Variants in HCN1 observed in about 807,000 individuals in gnomAD.
HCN1 encodes the protein hyperpolarization activated cyclic nucleotide gated potassium channel 1, also known as potassium/sodium hyperpolarization-activated cyclic nucleotide-gated channel 1.
HCN1 carries 13 observed loss-of-function variants against 78.9 expected under a neutral mutation model. That is an observed-to-expected ratio of 0.16 (90% CI 0.11 to 0.26). The LOEUF (loss-of-function observed/expected upper bound fraction) is 0.26, where lower values mean the gene tolerates loss of function less well. Among genes scored for constraint, HCN1 ranks in the 10% least tolerant of loss-of-function variants. The pLI, the probability that HCN1 is intolerant of heterozygous loss-of-function variation, is 1.00. For missense variants in HCN1, 810 were observed against 1,154.3 expected, an observed-to-expected ratio of 0.70 and a Z score of 4.32; for synonymous variants, 552 against 455.5, an observed-to-expected ratio of 1.21 and a Z score of -2.70.
At chr5:45,324,326 C>T (rs1381169477) in intron 5 of HCN1, among the ~76,000 whole-genome samples, 1 of 151,888 alleles carries the variant, frequency 6.6e-6, no homozygotes, top group Non-Finnish European at 1.5e-5. Flanking sequence ...ACAACCCCAT[C>T]AAAAAGTGGG....
chr5:45,525,733 G>A (rs1211792229), intron 2 of HCN1, among the ~76,000 whole-genome samples: 1 of 151,992 alleles, frequency 6.6e-6, no homozygotes, highest in Non-Finnish European at 1.5e-5. Flanking sequence ...CCTACATACA[G>A]TAGAATTTAA....
chr5:45,475,961 T>C (rs1255047924), intron 2 of HCN1, among the ~76,000 whole-genome samples: 2 of 152,170 alleles, frequency 1.3e-5, no homozygotes, highest in Admixed American at 6.6e-5. Flanking sequence ...CTGAGTTGCA[T>C]ATACAGAATA....
At chr5:45,630,558 T>C (rs1435096909) in intron 2 of HCN1, among the ~76,000 whole-genome samples, 1 of 152,214 alleles carries the variant, frequency 6.6e-6, no homozygotes, top group East Asian at 1.9e-4. Flanking sequence ...ACAAAGTCTA[T>C]ACTCTTTAAT....
chr5:45,556,997 T>C (rs1455905609), intron 2 of HCN1, among the ~76,000 whole-genome samples: 1 of 152,042 alleles, frequency 6.6e-6, no homozygotes, highest in Non-Finnish European at 1.5e-5. Context: ...TCATAAAATT[T>C]CGATTTCCGT....
chr5:45,454,491 A>T (rs1284868067), intron 3 of HCN1, among the ~76,000 whole-genome samples: 6 of 149,446 alleles, frequency 4.0e-5, no homozygotes, highest in South Asian at 2.1e-4. Context: ...AAAAAAAAAT[A>T]AAAAAAAATA....
intron 5 of HCN1, among the ~76,000 whole-genome samples, chr5:45,327,354 T>C (rs948219965): frequency 5.9e-5 from 9 of 151,588 alleles, no homozygotes; most frequent in African/African-American, 1.7e-4. Context: ...TGTGAGAAAA[T>C]GACTTGGAGA....
intron 4 of HCN1, among the ~76,000 whole-genome samples, chr5:45,373,601 A>G (rs980257429): frequency 1.4e-5 from 2 of 139,282 alleles, no homozygotes; most frequent in African/African-American, 2.6e-5. Flanking sequence ...TACATACGGT[A>G]TATACGTCAT....
chr5:45,534,368 G>T, intron 2 of HCN1, among the ~76,000 whole-genome samples: 1 of 113,974 alleles, frequency 8.8e-6, no homozygotes. Context: ...TGCATTCCAT[G>T]CATTCCAGCC....
At chr5:45,307,907 G>T (rs1745769505) in intron 5 of HCN1, among the ~76,000 whole-genome samples, 1 of 152,078 alleles carries the variant, frequency 6.6e-6, no homozygotes, top group Non-Finnish European at 1.5e-5. Flanking sequence ...ATGTACATGG[G>T]AATTCTCCAT....
chr5:45,536,959 C>A (rs1408687870), intron 2 of HCN1, among the ~76,000 whole-genome samples: 1 of 152,188 alleles, frequency 6.6e-6, no homozygotes, highest in South Asian at 2.1e-4. Context: ...CACAATTTCT[C>A]AACCAGCATG....
chr5:45,516,129 T>C (rs928867694), intron 2 of HCN1, among the ~76,000 whole-genome samples: 13 of 151,986 alleles, frequency 8.6e-5, no homozygotes, highest in Admixed American at 7.2e-4. Context: ...CACAAATACA[T>C]AGATCATTTC....
intron 2 of HCN1, among the ~76,000 whole-genome samples, chr5:45,613,891 A>G (rs1744892022): frequency 6.6e-6 from 1 of 152,212 alleles, no homozygotes; most frequent in Non-Finnish European, 1.5e-5. Context: ...ATTATGATTC[A>G]GGGTATTGCA....
intron 3 of HCN1, among the ~76,000 whole-genome samples, chr5:45,422,582 T>C (rs888124986): frequency 6.6e-6 from 1 of 152,240 alleles, no homozygotes; most frequent in East Asian, 1.9e-4. Context: ...TCCATAAAAA[T>C]GTCAACTTTC....
rs1181725380 is a variant in HCN1, at chr5:45,593,291, T to C, written c.849+51894A>G. Among the ~76,000 whole-genome samples, 14 of 124,534 alleles carry C rather than the reference T, an allele frequency of 1.1e-4. No individual in the cohort carries two copies. The South Asian group carries it at 3.0e-3, about 27-fold the overall frequency. The allele number at this position is 124,534 out of a possible 152,430, so 81.7% of individuals were successfully genotyped here. A position where few individuals can be genotyped will look rare whatever the true frequency, so the allele number is the denominator to read the frequency against. ...ATCCAGAGACAAAGGTAGAGGTATA[T>C]TCTCTCTCTCTCTCTCTCTCTCTCT... On this transcript the variant is annotated intron_variant, in intron 2 of 7. Transcript: ENST00000303230.
chr5:45,347,807 T>C (rs1399564511), intron 5 of HCN1, among the ~76,000 whole-genome samples: 4 of 151,504 alleles, frequency 2.6e-5, no homozygotes, highest in Non-Finnish European at 4.4e-5. Flanking sequence ...AGAAGGGAAG[T>C]TTAGAGAAAA....
chr5:45,375,238 A>G (rs1463912091), intron 4 of HCN1, among the ~76,000 whole-genome samples: 5 of 120,154 alleles, frequency 4.2e-5, no homozygotes, highest in Non-Finnish European at 6.3e-5. Context: ...TATAATATAT[A>G]ATATATTATA....
chr5:45,417,367 T>G (rs1740138081), intron 3 of HCN1, among the ~76,000 whole-genome samples: 1 of 151,938 alleles, frequency 6.6e-6, no homozygotes, highest in African/African-American at 2.4e-5. Context: ...TCATCAGTAT[T>G]TTATACTAAG....
chr5:45,348,743 C>T (rs183912286), intron 5 of HCN1, among the ~76,000 whole-genome samples: 13 of 152,146 alleles, frequency 8.5e-5, no homozygotes, highest in African/African-American at 3.1e-4. Flanking sequence ...ATAAAACAGA[C>T]GTTAAACCAA....
At chr5:45,472,200 C>A (rs1159463927) in intron 2 of HCN1, among the ~76,000 whole-genome samples, 1 of 151,820 alleles carries the variant, frequency 6.6e-6, no homozygotes, top group Non-Finnish European at 1.5e-5. Context: ...ACATGCTATT[C>A]TCTCCTGGTA....
Sources: allele counts gnomAD v4.1 joint callset (sites outside exome capture counted in the v4.1 genomes callset), GRCh38; gene constraint gnomAD v4.1.1; transcripts MANE v1.5; gene names NCBI Gene and HGNC (gene_info 2026-07-23, HGNC 2026-07-21).